SDK2: variants seen among roughly 807,000 people sequenced by gnomAD.
The protein encoded by SDK2 is sidekick cell adhesion molecule 2, also known as protein sidekick-2.
Under a neutral mutation model 253.9 loss-of-function variants are expected in SDK2, and 105 were observed. The ratio of observed to expected loss-of-function variants is 0.41; its 90% CI spans 0.35 to 0.49. SDK2 has a LOEUF of 0.49. SDK2 is among the 20% of genes least tolerant of loss of function. The probability of loss-of-function intolerance (pLI) is 0.06; values close to 1 mark genes in which losing one functional copy is unlikely to be tolerated. For missense variants in SDK2, 2,608 were observed against 3,003.0 expected, an observed-to-expected ratio of 0.87 and a Z score of 3.07; for synonymous variants, 1,249 against 1,234.9, an observed-to-expected ratio of 1.01 and a Z score of -0.24.
intron 1 of SDK2, among the ~76,000 whole-genome samples, chr17:73,610,072 C>G (rs577998025): frequency 6.6e-6 from 1 of 152,306 alleles, no homozygotes; most frequent in Admixed American, 6.5e-5. Flanking sequence ...GACACCCCGT[C>G]TTTCTCCTCC....
intron 16 of SDK2, 38 bp downstream of exon 16, chr17:73,419,128 C>G (rs781606393): frequency 3.1e-6 from 5 of 1,604,134 alleles, no homozygotes; most frequent in Non-Finnish European, 4.3e-6. Flanking sequence ...TGCCTTTCCC[C>G]TTGGGACTGG....
At chr17:73,591,473 A>G (rs1344431350) in intron 1 of SDK2, among the ~76,000 whole-genome samples, 1 of 152,142 alleles carries the variant, frequency 6.6e-6, no homozygotes, top group South Asian at 2.1e-4. Context: ...TTTAGCAAAA[A>G]CACAAACACA....
chr17:73,376,928 G>A (rs187734311), intron 36 of SDK2, among the ~76,000 whole-genome samples: 114 of 152,162 alleles, frequency 7.5e-4, no homozygotes, highest in African/African-American at 2.6e-3. Flanking sequence ...TCCTAAATCG[G>A]GACTACCTGT....
chr17:73,394,414 G>T, intron 25 of SDK2, 90 bp from the exon 26 acceptor site: 1 of 726,176 alleles, frequency 1.4e-6, no homozygotes, highest in South Asian at 4.1e-5. Flanking sequence ...CCGAGGGAGG[G>T]GCCAGCTCGA....
intron 3 of SDK2, among the ~76,000 whole-genome samples, chr17:73,456,991 C>G (rs1454999653): frequency 2.6e-5 from 4 of 152,066 alleles, no homozygotes; most frequent in African/African-American, 7.3e-5. Flanking sequence ...AATGCAGAGT[C>G]TCAGGCCCCC....
At chr17:73,544,122 C>T (rs530424839) in intron 1 of SDK2, among the ~76,000 whole-genome samples, 3 of 152,334 alleles carry the variant, frequency 2.0e-5, no homozygotes, top group Admixed American at 2.0e-4. Flanking sequence ...AAGGTTTATC[C>T]CATAATGACG....
chr17:73,540,961 A>C (rs761231397), intron 1 of SDK2, among the ~76,000 whole-genome samples: 77 of 152,286 alleles, frequency 5.1e-4, no homozygotes, highest in Non-Finnish European at 9.0e-4. Context: ...AGAGGTGCTG[A>C]GTTGTGGCTA....
At chr17:73,466,899 G>C (rs147277974) in intron 3 of SDK2, among the ~76,000 whole-genome samples, 42 of 152,258 alleles carry the variant, frequency 2.8e-4, no homozygotes, top group Middle Eastern at 6.8e-3. Context: ...GGGGAAGGGA[G>C]GTGCTCAAAG....
rs1171573841 is a variant in SDK2 at position 73,405,516 on chromosome 17, AT to A, written c.2485-3376del. On this transcript the variant is annotated intron_variant, in intron 18 of 44. Transcript: ENST00000392650. Reference sequence around the variant, plus strand: ...TATATATATATATATATATATATATATAAAGATCGAGAATGTGGAAAGTACA... The same window carrying A: ...TATATATATATATATATATATATATAAAAGATCGAGAATGTGGAAAGTACA... Among the ~76,000 whole-genome samples, 239 of 115,798 alleles carry A rather than the reference AT, an allele frequency of 2.1e-3. 44 individuals are homozygous for A. Among genetic ancestry groups the A allele is most frequent in the African/African-American group, 2.4e-3 (76 of 31,234 alleles). 76.0% of individuals were successfully genotyped at this position (115,798 alleles called of 152,430 possible). A position where few individuals can be genotyped will look rare whatever the true frequency, so the allele number is the denominator to read the frequency against.
chr17:73,554,010 C>A (rs2045105652), intron 1 of SDK2, among the ~76,000 whole-genome samples: 1 of 152,140 alleles, frequency 6.6e-6, no homozygotes, highest in Non-Finnish European at 1.5e-5. Context: ...AGCTGGGGCC[C>A]TGAGGCTCAC....
intron 1 of SDK2, among the ~76,000 whole-genome samples, chr17:73,547,681 G>A (rs1388850435): frequency 6.6e-6 from 1 of 152,202 alleles, no homozygotes; most frequent in Non-Finnish European, 1.5e-5. Flanking sequence ...CAGAAGGGAG[G>A]GAGGGCAAAG....
intron 14 of SDK2, 100 bp from the exon 15 acceptor site, chr17:73,422,534 G>GA: frequency 7.5e-7 from 1 of 1,340,172 alleles, no homozygotes; most frequent in Non-Finnish European, 1.0e-6. Context: ...ACTGGGGCTG[G>GA]CAAGAGAGAG....
At chr17:73,386,856 C>A (rs2062876730) in intron 30 of SDK2, among the ~76,000 whole-genome samples, 1 of 152,212 alleles carries the variant, frequency 6.6e-6, no homozygotes, top group Non-Finnish European at 1.5e-5. Context: ...CCCCACTTCG[C>A]AGAACCATGC....
chr17:73,355,174 A>ATATATGTATTTTTTTT, intron 40 of SDK2, among the ~76,000 whole-genome samples: 2 of 47,240 alleles, frequency 4.2e-5, no homozygotes, highest in Non-Finnish European at 6.7e-5. Flanking sequence ...ATATATATAT[A>ATATATGTATTTTTTTT]TTTTTTTTTT....
intron 1 of SDK2, among the ~76,000 whole-genome samples, chr17:73,574,438 C>T (rs1258438131): frequency 6.6e-6 from 1 of 152,228 alleles, no homozygotes; most frequent in Non-Finnish European, 1.5e-5. Context: ...TACGTGCACA[C>T]ACAAGCACAC....
rs1239655807 is a variant in SDK2, at chr17:73,511,866, A to G, written c.65-4269T>C. ...AGGGGAAGAAGATGCTGCTGGGATA[A>G]CAGAACGTGTGGACGTGTCTATGTG... On this transcript the variant is annotated intron_variant, in intron 1 of 44. Transcript: ENST00000392650. The surrounding 1 kb of genome is among the most constrained non-coding windows in gnomAD (Gnocchi z 4.9). 1.3e-5 allele frequency among the ~76,000 whole-genome samples: 2 copies of G among 152,104 alleles called. No homozygotes were observed. Among genetic ancestry groups the G allele is most frequent in the Non-Finnish European group, 2.9e-5 (2 of 68,016 alleles).
chr17:73,552,259 C>A (rs1335454008), intron 1 of SDK2, among the ~76,000 whole-genome samples: 1 of 152,224 alleles, frequency 6.6e-6, no homozygotes, highest in Non-Finnish European at 1.5e-5. Context: ...TAATAGGAAC[C>A]ACTGCATTTA....
Position 73,352,714 on chromosome 17 carries a change from T to C in SDK2, c.5594-77A>G. 6.7e-7 allele frequency: 1 copy of C among 1,488,900 alleles called. No homozygotes were observed. Among genetic ancestry groups the C allele is most frequent in the Non-Finnish European group, 9.2e-7 (1 of 1,081,722 alleles). 92.2% of individuals were successfully genotyped at this position (1,488,900 alleles called of 1,614,324 possible). On this transcript the variant is annotated intron_variant, in intron 40 of 44. Coordinates refer to ENST00000392650, the MANE Select transcript of SDK2 (RefSeq NM_001144952.2). The surrounding 1 kb of genome is among the most constrained non-coding windows in gnomAD (Gnocchi z 4.1). ...CCCGCTCCCAGCCCCGTTCTGACTATGCTCCCTGAGGGCTGGGCCTGTTGG... is the reference window on the plus strand; with the variant it reads ...CCCGCTCCCAGCCCCGTTCTGACTACGCTCCCTGAGGGCTGGGCCTGTTGG...
rs1285379341 is a variant in SDK2, at chr17:73,438,114, C to T, written c.766G>A (p.Val256Ile). 2 of 1,551,542 alleles carry T rather than the reference C, an allele frequency of 1.3e-6. No homozygotes were observed. The highest frequency in any genetic ancestry group is 2.4e-5 in the East Asian group (1 of 40,932). ...KLHIIWKKDGVLLSGGISDHN... is the reference protein window; with the variant it reads ...KLHIIWKKDGILLSGGISDHN... ...TCACTGATGCCGCCCGACAGCAATA[C>T]CCCGTCCTTCTTCCAAATGATATGT... is the stretch of plus-strand genomic sequence containing the variant. The change falls in exon 7 of 45, where the codon GTA (valine) becomes ATA (isoleucine). Residue 256 changes from valine (V) to isoleucine (I), a missense_variant. By Grantham distance (29) the Val-to-Ile change is conservative. Around this residue, in one of 2 missense-constraint regions of SDK2, gnomAD observed 1,505 missense variants for 1,859.1 expected, o/e 0.81. Transcript: ENST00000392650.
Sources: allele counts gnomAD v4.1 joint callset (sites outside exome capture counted in the v4.1 genomes callset), GRCh38; gene constraint gnomAD v4.1.1; regional missense constraint gnomAD v4.1.1; non-coding constraint Gnocchi (gnomAD v3.1); transcripts MANE v1.5; gene names NCBI Gene and HGNC (gene_info 2026-07-23, HGNC 2026-07-21).